Variants in SDK1 observed in about 807,000 individuals in gnomAD.
The protein encoded by SDK1 is sidekick cell adhesion molecule 1, also known as protein sidekick-1.
In SDK1, 157 loss-of-function variants were observed where a neutral mutation model predicts 245.5. The ratio of observed to expected loss-of-function variants is 0.64; its 90% CI spans 0.56 to 0.73. SDK1 has a LOEUF of 0.73. SDK1 is among the 30% of genes least tolerant of loss of function. SDK1 has a pLI of 0.00. For synonymous variants in SDK1, 1,647 were observed against 1,278.5 expected (o/e 1.29, Z -6.15); for missense variants, 3,583 against 3,002.3 (o/e 1.19, Z -4.52).
At chr7:3,584,047 A>C (rs575467279) in intron 1 of SDK1, among the ~76,000 whole-genome samples, 1 of 152,276 alleles carries the variant, frequency 6.6e-6, no homozygotes, top group African/African-American at 2.4e-5. Context: ...GCCAGGGAGA[A>C]GTGTTTGAAG....
chr7:3,367,163 A>G (rs1781114813), intron 1 of SDK1, among the ~76,000 whole-genome samples: 1 of 151,522 alleles, frequency 6.6e-6, no homozygotes, highest in African/African-American at 2.4e-5. Context: ...TTATTTATTT[A>G]TTTATTTTTA....
At chr7:3,469,470 G>C (rs905790849) in intron 1 of SDK1, among the ~76,000 whole-genome samples, 1 of 152,118 alleles carries the variant, frequency 6.6e-6, no homozygotes, top group African/African-American at 2.4e-5. Context: ...ATTAAGACCT[G>C]CAGTAAATAG....
intron 2 of SDK1, among the ~76,000 whole-genome samples, chr7:3,637,205 C>G (rs1484313746): frequency 1.3e-5 from 2 of 152,094 alleles, no homozygotes; most frequent in Non-Finnish European, 2.9e-5. Flanking sequence ...TCAAGTGATT[C>G]TCCTGTTTCA....
intron 4 of SDK1, among the ~76,000 whole-genome samples, chr7:3,703,119 T>G (rs1784785386): frequency 6.6e-6 from 1 of 151,972 alleles, no homozygotes; most frequent in African/African-American, 2.4e-5. Flanking sequence ...CCTGAACGTT[T>G]GTCCCAGAGA....
At chr7:3,574,060 A>T (rs549176273) in intron 1 of SDK1, among the ~76,000 whole-genome samples, 1 of 151,430 alleles carries the variant, frequency 6.6e-6, no homozygotes, top group Admixed American at 6.6e-5. Context: ...GTAGCTGAGG[A>T]TAGACTTTGC....
chr7:3,869,102 A>G (rs1346067703), intron 5 of SDK1, among the ~76,000 whole-genome samples: 1 of 151,826 alleles, frequency 6.6e-6, no homozygotes. Flanking sequence ...TTTTCCCCCA[A>G]AAAAGAGGAA....
chr7:3,867,028 A>G (rs79903665), intron 5 of SDK1, among the ~76,000 whole-genome samples: 7,171 of 152,256 alleles, frequency 0.047, 544 homozygotes, highest in African/African-American at 0.16. Flanking sequence ...CACATGTGGA[A>G]ATAAACGTGG....
At chr7:4,199,701 C>T (rs888349097) in intron 35 of SDK1, among the ~76,000 whole-genome samples, 1 of 152,136 alleles carries the variant, frequency 6.6e-6, no homozygotes, top group African/African-American at 2.4e-5. Context: ...AGGAGAGTGT[C>T]CCCTGTCCCA....
At chr7:3,950,564 C>T (rs1173822041) in intron 5 of SDK1, among the ~76,000 whole-genome samples, 1 of 152,176 alleles carries the variant, frequency 6.6e-6, no homozygotes, top group African/African-American at 2.4e-5. Flanking sequence ...CTGATTTACA[C>T]ATTTATGACA....
rs1341411681 is a variant in SDK1, at chr7:4,192,836, C to T, written c.5099-13043C>T. On this transcript the variant is annotated intron_variant, in intron 35 of 44. Transcript: ENST00000404826. ...CTGGCTTCATCCAAACATCCACCTCCTCCCCTCCCGTGTGATCCTCAAGCA... is the reference window on the plus strand; with the variant it reads ...CTGGCTTCATCCAAACATCCACCTCTTCCCCTCCCGTGTGATCCTCAAGCA... Among the ~76,000 whole-genome samples, 4 of 151,806 alleles carry T rather than the reference C, an allele frequency of 2.6e-5. No homozygotes were observed. In the East Asian group the frequency reaches 7.7e-4, roughly 29 times the overall value.
intron 1 of SDK1, among the ~76,000 whole-genome samples, chr7:3,538,251 AG>A (rs1382876761): frequency 3.3e-5 from 5 of 152,194 alleles, no homozygotes; most frequent in Non-Finnish European, 5.9e-5. Context: ...CTCTTGGGTC[AG>A]CTTTCACACC....
intron 35 of SDK1, among the ~76,000 whole-genome samples, chr7:4,203,058 G>A (rs77698672): frequency 0.068 from 10,381 of 152,286 alleles, 400 homozygotes; most frequent in South Asian, 0.11. Flanking sequence ...TGGGCGAGGC[G>A]ACAGAATGCC....
rs1319952426 is a variant in SDK1 at position 4,127,486 on chromosome 7, T to A, written c.3929T>A (p.Leu1310Gln). ...GAACAGGACCAGAATGGGCTCATAC[T>A]GGGCTACAAGGTGTGTGATCACAGG... is the stretch of plus-strand genomic sequence containing the variant. ...VPEQDQNGLI[L>Q]GYKILFRAKD... The change falls in exon 26 of 45, where the codon CTG becomes CAG. Residue 1310 changes from leucine to glutamine, a missense_variant. Leu to Gln is a moderately radical substitution (Grantham distance 113). Transcript: ENST00000404826. The A allele has an allele frequency of 3.7e-6, 6 of 1,612,964 alleles. No homozygotes were observed. The Admixed American group carries it at 1.0e-4, about 27-fold the overall frequency.
chr7:3,832,441 C>G (rs1375899488), intron 5 of SDK1, among the ~76,000 whole-genome samples: 1 of 152,108 alleles, frequency 6.6e-6, no homozygotes, highest in African/African-American at 2.4e-5. Context: ...AAACGATGTT[C>G]TTTTGGCTCT....
At chr7:3,508,818 A>T (rs890668754) in intron 1 of SDK1, among the ~76,000 whole-genome samples, 9 of 152,232 alleles carry the variant, frequency 5.9e-5, no homozygotes, top group African/African-American at 1.9e-4. Context: ...CTTTGAAGGC[A>T]GGAATGGCTG....
At chr7:3,450,098 A>G (rs994095536) in intron 1 of SDK1, among the ~76,000 whole-genome samples, 1 of 152,252 alleles carries the variant, frequency 6.6e-6, no homozygotes, top group African/African-American at 2.4e-5. Context: ...AGGGGTGAAT[A>G]GTAAATATAG....
chr7:3,569,002 A>G (rs1780016743), intron 1 of SDK1, among the ~76,000 whole-genome samples: 2 of 113,240 alleles, frequency 1.8e-5, no homozygotes, highest in African/African-American at 7.5e-5. Context: ...TTAGTGTGGC[A>G]TATGTTTTTT....
chr7:3,688,095 C>A (rs1282432567), intron 4 of SDK1, among the ~76,000 whole-genome samples: 1 of 152,236 alleles, frequency 6.6e-6, no homozygotes, highest in African/African-American at 2.4e-5. Context: ...AGAGCTGAGA[C>A]AATCAGTGCT....
At chr7:4,004,719 C>G (rs948373342) in intron 14 of SDK1, among the ~76,000 whole-genome samples, 12 of 152,156 alleles carry the variant, frequency 7.9e-5, no homozygotes, top group Admixed American at 3.9e-4. Context: ...CAATTCATCC[C>G]TAAGTGATCA....
Sources: gnomAD v4.1 joint callset for allele counts (sites outside exome capture counted in the v4.1 genomes callset) on GRCh38, gnomAD v4.1.1 for gene constraint, MANE v1.5 for transcripts, NCBI Gene and HGNC (gene_info 2026-07-23, HGNC 2026-07-21) for gene names.